The following DDX59 variants were observed in gnomAD, a reference collection of about 807,000 sequenced individuals.
DDX59 encodes probable ATP-dependent RNA helicase DDX59.
A neutral mutation model predicts 51.9 loss-of-function variants in DDX59; 30 were observed. The ratio of observed to expected loss-of-function variants is 0.58; its 90% CI spans 0.43 to 0.78. The LOEUF (loss-of-function observed/expected upper bound fraction) is 0.78. Among genes scored for constraint, DDX59 ranks in the 30% least tolerant of loss-of-function variants. The pLI, the probability that DDX59 is intolerant of heterozygous loss-of-function variation, is 0.00. For synonymous variants in DDX59, 255 were observed against 253.3 expected (o/e 1.01, Z -0.06); for missense variants, 672 against 730.8 (o/e 0.92, Z 0.93).
chr1:200,652,601 A>G (rs1661736134), intron 4 of DDX59, among the ~76,000 whole-genome samples: 1 of 151,054 alleles, frequency 6.6e-6, no homozygotes, highest in Admixed American at 6.6e-5. Context: ...ACTTTCTAAC[A>G]TGTCTTTAAT....
intron 4 of DDX59, among the ~76,000 whole-genome samples, chr1:200,654,014 G>C (rs1476000911): frequency 1.3e-5 from 2 of 152,108 alleles, no homozygotes; most frequent in Non-Finnish European, 2.9e-5. Flanking sequence ...AAGCCCTAAT[G>C]ATATATTTTG....
At chr1:200,648,918 C>T (rs1252659046) in intron 6 of DDX59, among the ~76,000 whole-genome samples, 156 bp downstream of exon 6, 1 of 152,086 alleles carries the variant, frequency 6.6e-6, no homozygotes, top group Non-Finnish European at 1.5e-5. Flanking sequence ...AAAGCCTGAG[C>T]AAGAGAACAT....
downstream of DDX59, chr1:200,640,833 T>TGTAA (rs1280379123): frequency 6.5e-6 from 1 of 153,280 alleles, no homozygotes; most frequent in African/African-American, 2.4e-5. Context: ...AAAATTTATT[T>TGTAA]GTAAGTTACT....
chr1:200,657,809 C>A (rs955054088), intron 4 of DDX59, among the ~76,000 whole-genome samples: 39 of 151,390 alleles, frequency 2.6e-4, no homozygotes, highest in African/African-American at 9.2e-4. Context: ...CCCAGCTACT[C>A]AGGAGGCTGA....
intron 4 of DDX59, among the ~76,000 whole-genome samples, chr1:200,658,242 G>A (rs1380688856): frequency 6.6e-6 from 1 of 152,228 alleles, no homozygotes. Flanking sequence ...GGGTGGGCTG[G>A]CACATGGTCC....
downstream of DDX59, chr1:200,643,992 G>A: frequency 5.5e-6 from 2 of 360,624 alleles, no homozygotes; most frequent in Non-Finnish European, 3.9e-6. Context: ...GGTTCTGACA[G>A]TAGCTCTGAG....
In DDX59 at chr1:200,659,010, T is replaced by G. The variant is rs867903702; in HGVS notation, c.1062+17A>C. 2 of 1,580,452 alleles carry G rather than the reference T, an allele frequency of 1.3e-6. No individual in the cohort carries two copies. Among genetic ancestry groups the G allele is most frequent in the Middle Eastern group, 3.4e-4 (2 of 5,936 alleles). Reference sequence around the variant, plus strand: ...TGTGTAAAATCATGTAACTGTTTTTTAAATACCACTACTTACTTCATCTAC... The same window carrying G: ...TGTGTAAAATCATGTAACTGTTTTTGAAATACCACTACTTACTTCATCTAC... On this transcript the variant is annotated intron_variant, in intron 4 of 7. Transcript: ENST00000331314.
chr1:200,665,788 T>C lies in DDX59; in HGVS notation c.804+149A>G, dbSNP rs770998355. The stretch of plus-strand genomic sequence containing the variant: ...AATTATGTTTTCATACAAACTACTA[T>C]CAGAAGCAAAATCACTACAGGCACT... On this transcript the variant is annotated intron_variant, in intron 2 of 7. Transcript: ENST00000331314. 1.2e-5 allele frequency: 9 copies of C among 763,214 alleles called. 1 individual carries two copies. Among genetic ancestry groups the C allele is most frequent in the Middle Eastern group, 3.7e-4 (1 of 2,708 alleles). The allele number at this position is 763,214 out of a possible 1,614,324, so 47.3% of individuals were successfully genotyped here.
chr1:200,653,460 C>A (rs996131499), intron 4 of DDX59, among the ~76,000 whole-genome samples: 1 of 152,178 alleles, frequency 6.6e-6, no homozygotes, highest in African/African-American at 2.4e-5. Context: ...CTTCTCCCAA[C>A]TCATATTTGC....
At chr1:200,658,243 C>CACAT (rs1662159533) in intron 4 of DDX59, among the ~76,000 whole-genome samples, 1 of 152,226 alleles carries the variant, frequency 6.6e-6, no homozygotes, top group African/African-American at 2.4e-5. Context: ...GGTGGGCTGG[C>CACAT]ACATGGTCCT....
chr1:200,665,742 A>G (rs1177072518), intron 2 of DDX59, among the ~76,000 whole-genome samples, 195 bp downstream of exon 2: 2 of 152,236 alleles, frequency 1.3e-5, no homozygotes, highest in Non-Finnish European at 2.9e-5. Context: ...GGTTCAATAT[A>G]ATACAAGAAA....
At chr1:200,641,251 A>G, downstream of DDX59, 1 of 1,303,072 alleles carries the variant, frequency 7.7e-7, no homozygotes, top group Non-Finnish European at 1.0e-6. Context: ...CCCAAATAAT[A>G]TTCAGCTGCC....
At position 200,649,183 on chromosome 1, in the gene DDX59, C is replaced by T. The variant is rs147281351; in HGVS notation, c.1358G>A (p.Cys453Tyr). 6.6e-5 allele frequency: 106 copies of T among 1,596,210 alleles called. No homozygotes were observed. The African/African-American group carries it at 1.4e-3, about 21-fold the overall frequency. The stretch of plus-strand genomic sequence containing the variant: ...ACTCAAAAGATCTGCTCCTAGTTTG[C>T]AGTCCACAAATACTAACACTGGAGG... ...FKPPVLVFVD[C>Y]KLGADLLSEA... is the part of the protein sequence containing the mutation. The change falls in exon 6 of 8, where the codon TGC (cysteine) becomes TAC (tyrosine). Residue 453 changes from cysteine (C) to tyrosine (Y), a missense_variant. Transcript: ENST00000331314.
chr1:200,664,926 C>T (rs1249417024), intron 2 of DDX59, among the ~76,000 whole-genome samples: 4 of 152,196 alleles, frequency 2.6e-5, no homozygotes, highest in African/African-American at 4.8e-5. Context: ...CTGCCCACCT[C>T]GCCCTCCCAA....
At chr1:200,642,060 T>C (rs1661064604), downstream of DDX59, among the ~76,000 whole-genome samples, 2 of 152,136 alleles carry the variant, frequency 1.3e-5, no homozygotes, top group Admixed American at 1.3e-4. Context: ...GAAATACTAA[T>C]AGAATGGCAT....
rs865919165 is a variant in DDX59 at position 200,648,470 on chromosome 1, A to G, written c.1565T>C (p.Met522Thr). 1.2e-6 allele frequency: 2 copies of G among 1,614,184 alleles called. No individual in the cohort carries two copies. The highest frequency in any genetic ancestry group is 2.7e-5 in the African/African-American group (2 of 75,068). ...GACATACTCATCCATACTTGAAGGC[A>G]TATCAAAATTGACAACCAGCCTGAC... Reference protein sequence around the residue: ...ISVRLVVNFDMPSSMDEYVHQ... With the variant: ...ISVRLVVNFDTPSSMDEYVHQ... Residue 522 changes from methionine to threonine, a missense_variant, in exon 7 of 8, where the codon ATG (methionine) becomes ACG (threonine). Physicochemically the swap from Met to Thr is moderately conservative, Grantham distance 81. Coordinates refer to ENST00000331314, the MANE Select transcript of DDX59 (RefSeq NM_001031725.6).
At chr1:200,642,931 G>A (rs763578725), downstream of DDX59, among the ~76,000 whole-genome samples, 3 of 152,172 alleles carry the variant, frequency 2.0e-5, no homozygotes, top group East Asian at 1.9e-4. Flanking sequence ...CAGAGACCAC[G>A]GGAAGATCAT....
At chr1:200,667,947 G>A (rs887633619) in intron 1 of DDX59, among the ~76,000 whole-genome samples, 1 of 151,548 alleles carries the variant, frequency 6.6e-6, no homozygotes, top group Admixed American at 6.6e-5. Context: ...ATGAAAAAAC[G>A]TGTGTGTGTG....
chr1:200,644,094 T>G lies in DDX59; in HGVS notation c.*160A>C. ...AATTCATTTTCTGATGTTTTTAATT[T>G]ATAAGAATTAAGGGAAATAAATACA... On this transcript the variant is annotated 3_prime_UTR_variant, in exon 8 of 8. Coordinates refer to ENST00000331314, the MANE Select transcript of DDX59 (RefSeq NM_001031725.6). The G allele has an allele frequency of 1.6e-6, 1 of 607,650 alleles. No homozygotes were observed. Among genetic ancestry groups the G allele is most frequent in the Non-Finnish European group, 2.2e-6 (1 of 461,518 alleles). 37.6% of individuals were successfully genotyped at this position (607,650 alleles called of 1,614,324 possible). A position where few individuals can be genotyped will look rare whatever the true frequency, so the allele number is the denominator to read the frequency against.
Sources: gnomAD v4.1 joint callset for allele counts (sites outside exome capture counted in the v4.1 genomes callset) on GRCh38, gnomAD v4.1.1 for gene constraint, MANE v1.5 for transcripts, NCBI Gene and HGNC (gene_info 2026-07-23, HGNC 2026-07-21) for gene names.